Variants in SLC5A11 observed in about 807,000 individuals in gnomAD.
The protein encoded by SLC5A11 is solute carrier family 5 member 11.
Under a neutral mutation model 69.8 loss-of-function variants are expected in SLC5A11, and 48 were observed. The ratio of observed to expected loss-of-function variants is 0.69; its 90% CI spans 0.55 to 0.87. The LOEUF is 0.87. SLC5A11 is among the 40% of genes least tolerant of loss of function. The pLI, the probability that SLC5A11 is intolerant of heterozygous loss-of-function variation, is 0.00. For synonymous variants in SLC5A11, 319 were observed against 342.4 expected (o/e 0.93, Z 0.75); for missense variants, 784 against 866.1 (o/e 0.91, Z 1.19).
exon 8 of SLC5A11, chr16:24,884,100 G>T (rs773434770): frequency 1.4e-5 from 23 of 1,614,086 alleles, no homozygotes; most frequent in Non-Finnish European, 1.9e-5. Flanking sequence ...CGCTGATCAT[G>T]CTTATAGGAG....
intron 1 of SLC5A11, among the ~76,000 whole-genome samples, chr16:24,854,084 T>C (rs761474470): frequency 2.0e-5 from 3 of 152,062 alleles, no homozygotes; most frequent in Non-Finnish European, 4.4e-5. Flanking sequence ...AACTTGTTTA[T>C]CTGCTGGAGC....
chr16:24,904,755 C>A (rs1038066088), intron 10 of SLC5A11, among the ~76,000 whole-genome samples: 12 of 152,204 alleles, frequency 7.9e-5, no homozygotes, highest in Non-Finnish European at 1.8e-4. Flanking sequence ...CTAAGTCCAT[C>A]TGAGAAATGG....
At chr16:24,907,289 A>C in intron 12 of SLC5A11, 114 bp downstream of exon 13, 1 of 1,152,304 alleles carries the variant, frequency 8.7e-7, no homozygotes, top group Non-Finnish European at 1.2e-6. Context: ...TTAGGACTCC[A>C]TGTGCAAGAC....
chr16:24,874,191 G>A (rs995440748), intron 5 of SLC5A11, among the ~76,000 whole-genome samples: 1 of 152,176 alleles, frequency 6.6e-6, no homozygotes, highest in Non-Finnish European at 1.5e-5. Context: ...GCGGTATCGT[G>A]TAGTGTGACT....
At chr16:24,906,396 C>T (rs1406573001) in intron 10 of SLC5A11, among the ~76,000 whole-genome samples, 1 of 151,824 alleles carries the variant, frequency 6.6e-6, no homozygotes, top group East Asian at 1.9e-4. Flanking sequence ...GGTGTCCCAG[C>T]TTCATCTGGG....
intron 4 of SLC5A11, among the ~76,000 whole-genome samples, chr16:24,870,781 C>CAAAAAAAAA (rs57742222): frequency 3.0e-5 from 2 of 66,542 alleles, no homozygotes; most frequent in African/African-American, 6.1e-5. Flanking sequence ...CTCTGTCTCA[C>CAAAAAAAAA]AAAAAAAAAA....
At chr16:24,889,543 A>ATTTTT (rs71156454) in intron 8 of SLC5A11, among the ~76,000 whole-genome samples, 36 of 74,344 alleles carry the variant, frequency 4.8e-4, no homozygotes, top group African/African-American at 1.2e-3. Context: ...AGGTCTTACA[A>ATTTTT]TTTTTTTTTT....
chr16:24,890,107 A>G (rs1238910207), intron 8 of SLC5A11, among the ~76,000 whole-genome samples: 1 of 152,186 alleles, frequency 6.6e-6, no homozygotes, highest in African/African-American at 2.4e-5. Context: ...GGATTTCTCA[A>G]TATCCTAATG....
At chr16:24,873,886 G>A (rs1305974230) in intron 5 of SLC5A11, among the ~76,000 whole-genome samples, 1 of 150,160 alleles carries the variant, frequency 6.7e-6, no homozygotes, top group Non-Finnish European at 1.5e-5. Context: ...AGTTGCAGTG[G>A]CATGATCTCA....
Position 24,891,460 on chromosome 16 carries a change from A to C in SLC5A11, c.870+386A>C, listed in dbSNP as rs2112787. On this transcript the variant is annotated intron_variant, in intron 9 of 15. Transcript: ENST00000347898. ...CTCCTGAGTAGCTGGGACTACAGGC[A>C]CATGCCACCATGCCCAGCTATTTAT... Among the ~76,000 whole-genome samples, 278 of 151,964 alleles carry C rather than the reference A, an allele frequency of 1.8e-3. 1 individual carries two copies. Among genetic ancestry groups the C allele is most frequent in the Admixed American group, 3.4e-3 (52 of 15,240 alleles).
At chr16:24,856,628 G>GA (rs2059546891) in intron 1 of SLC5A11, among the ~76,000 whole-genome samples, 1 of 146,618 alleles carries the variant, frequency 6.8e-6, no homozygotes, top group Non-Finnish European at 1.5e-5. Flanking sequence ...AAAATTAGCT[G>GA]AGCGTGGTGG....
chr16:24,885,939 TA>T (rs1372193982), intron 8 of SLC5A11, among the ~76,000 whole-genome samples: 1 of 150,740 alleles, frequency 6.6e-6, no homozygotes, highest in South Asian at 2.1e-4. Flanking sequence ...TAAAATTTTC[TA>T]AAAAAATTAG....
At chr16:24,899,116 C>G (rs2049397484) in intron 10 of SLC5A11, among the ~76,000 whole-genome samples, 1 of 152,224 alleles carries the variant, frequency 6.6e-6, no homozygotes, top group African/African-American at 2.4e-5. Context: ...CCATGCCTGG[C>G]CATAGAGTCC....
At chr16:24,860,115 A>G (rs150702589) in intron 2 of SLC5A11, among the ~76,000 whole-genome samples, 5 of 152,292 alleles carry the variant, frequency 3.3e-5, no homozygotes, top group African/African-American at 9.6e-5. Flanking sequence ...GTGAAACCCC[A>G]TCACTATTAA....
At chr16:24,883,330 A>G (rs1342785194) in intron 7 of SLC5A11, among the ~76,000 whole-genome samples, 3 of 152,022 alleles carry the variant, frequency 2.0e-5, no homozygotes, top group African/African-American at 7.3e-5. Context: ...ACGCCACTAC[A>G]CTCCAGCCTG....
exon 14 of SLC5A11, chr16:24,909,040 A>G: frequency 6.2e-7 from 1 of 1,613,988 alleles, no homozygotes; most frequent in Non-Finnish European, 8.5e-7. Flanking sequence ...GTCCACGGTC[A>G]CCCTCATCAC....
chr16:24,849,593 A>AAAAAAAAAAATAT, intron 1 of SLC5A11, among the ~76,000 whole-genome samples: 9 of 35,908 alleles, frequency 2.5e-4, no homozygotes, highest in Non-Finnish European at 3.3e-4. Context: ...AAAAAAAAAA[A>AAAAAAAAAAATAT]ATATATATAT....
At chr16:24,877,491 C>T (rs1005255267) in intron 7 of SLC5A11, 128 bp downstream of exon 8, 1 of 634,270 alleles carries the variant, frequency 1.6e-6, no homozygotes, top group Non-Finnish European at 2.7e-6. Context: ...AAACGTCACT[C>T]CTTTACCCTA....
At chr16:24,909,234 G>A in intron 14 of SLC5A11, 138 bp downstream of exon 15, 1 of 817,918 alleles carries the variant, frequency 1.2e-6, no homozygotes. Flanking sequence ...GGGGCAGGAT[G>A]ATTTGGGACT....
Sources: gnomAD v4.1 joint callset for allele counts (sites outside exome capture counted in the v4.1 genomes callset) on GRCh38, gnomAD v4.1.1 for gene constraint, MANE v1.5 for transcripts, NCBI Gene and HGNC (gene_info 2026-07-23, HGNC 2026-07-21) for gene names.